CLIP2: variants seen among roughly 807,000 people sequenced by gnomAD.
CLIP2 encodes CAP-Gly domain-containing linker protein 2.
In CLIP2, 41 loss-of-function variants were observed where a neutral mutation model predicts 111.7. The observed-to-expected ratio is 0.37, with a 90% CI of 0.29 to 0.48. The LOEUF (loss-of-function observed/expected upper bound fraction) is 0.48. CLIP2 is among the 20% of genes least tolerant of loss of function. CLIP2 has a pLI of 0.99. For missense variants in CLIP2, 1,160 were observed against 1,422.1 expected (o/e 0.82, Z 2.96); for synonymous variants, 660 against 644.2 (o/e 1.02, Z -0.37).
chr7:74,324,345 C>T (rs1253040484), intron 2 of CLIP2, among the ~76,000 whole-genome samples: 1 of 152,168 alleles, frequency 6.6e-6, no homozygotes, highest in Non-Finnish European at 1.5e-5. Flanking sequence ...CATCTTATTG[C>T]ATCCTATGGG....
chr7:74,334,421 C>T (rs1361132736), intron 2 of CLIP2, among the ~76,000 whole-genome samples: 2 of 152,068 alleles, frequency 1.3e-5, no homozygotes, highest in East Asian at 1.9e-4. Context: ...CCTGAGGGTC[C>T]GCCTGGGCCC....
intron 5 of CLIP2, 73 bp from the exon 6 acceptor site, chr7:74,357,207 G>A (rs1490447647): frequency 1.4e-6 from 2 of 1,383,370 alleles, no homozygotes; most frequent in Non-Finnish European, 2.0e-6. Context: ...CTGTAGATTA[G>A]GCTGGACAGA....
At chr7:74,368,329 A>G (rs1554311210) in intron 8 of CLIP2, among the ~76,000 whole-genome samples, 1 of 152,092 alleles carries the variant, frequency 6.6e-6, no homozygotes, top group African/African-American at 2.4e-5. Flanking sequence ...CAGCCTGACC[A>G]ACATAGTGAA....
At chr7:74,342,134 G>C (rs1199464784) in intron 3 of CLIP2, among the ~76,000 whole-genome samples, 1 of 152,142 alleles carries the variant, frequency 6.6e-6, no homozygotes, top group Non-Finnish European at 1.5e-5. Context: ...CCAGCACTTT[G>C]GGAGGCTGAG....
At chr7:74,324,106 C>T (rs1189373489) in intron 2 of CLIP2, among the ~76,000 whole-genome samples, 1 of 152,158 alleles carries the variant, frequency 6.6e-6, no homozygotes, top group African/African-American at 2.4e-5. Context: ...GATTCTTCTG[C>T]CTCAGCCTCC....
In CLIP2 at chr7:74,373,118, ACTCT is replaced by A. The variant is rs1462403258; in HGVS notation, c.1485+85_1485+88del. 3 of 755,538 alleles carry A rather than the reference ACTCT, an allele frequency of 4.0e-6. No homozygotes were observed. The Admixed American group carries it at 8.2e-5, about 21-fold the overall frequency. The allele number at this position is 755,538 out of a possible 1,614,324, so 46.8% of individuals were successfully genotyped here. A position where few individuals can be genotyped will look rare whatever the true frequency, so the allele number is the denominator to read the frequency against. On this transcript the variant is annotated intron_variant, in intron 9 of 16. Transcript: ENST00000223398. ...CTCTGGCTTCTCTGTTTCATTATTG[ACTCT>A]CTTTCTTTAGCTGCTATCATCTTTT...
intron 13 of CLIP2, among the ~76,000 whole-genome samples, chr7:74,390,748 TGGG>T (rs1394292919): frequency 1.1e-4 from 3 of 28,198 alleles, no homozygotes; most frequent in Non-Finnish European, 7.6e-4. Flanking sequence ...TCTGGCGGGG[TGGG>T]GGGGGTGGGT....
intron 2 of CLIP2, among the ~76,000 whole-genome samples, chr7:74,318,142 A>G (rs1788840087): frequency 6.6e-6 from 1 of 151,694 alleles, no homozygotes; most frequent in South Asian, 2.1e-4. Context: ...ACTCTGTCTC[A>G]AAAATAAAAA....
chr7:74,335,333 C>T (rs1334937154), intron 2 of CLIP2, among the ~76,000 whole-genome samples: 1 of 125,996 alleles, frequency 7.9e-6, no homozygotes, highest in Non-Finnish European at 1.8e-5. Flanking sequence ...TTCATAAATG[C>T]AGCTGCTATC....
intron 12 of CLIP2, among the ~76,000 whole-genome samples, chr7:74,387,547 G>A (rs62476441): frequency 0.011 from 1,707 of 152,182 alleles, 24 homozygotes; most frequent in Middle Eastern, 0.034. Context: ...CACCACGCCC[G>A]GCCCCTGGCC....
At chr7:74,374,174 T>A (rs1790713179) in intron 9 of CLIP2, among the ~76,000 whole-genome samples, 1 of 152,128 alleles carries the variant, frequency 6.6e-6, no homozygotes, top group African/African-American at 2.4e-5. Flanking sequence ...AGTATGTAGA[T>A]GTAGAAGGAG....
rs781954978 is a variant in CLIP2 at position 74,338,448 on chromosome 7, G to C, written c.122G>C (p.Gly41Ala). ...TCCCTTTCCCTCTCCTTCTCTGCAG[G>C]CTCCCCACTGCACAAACAGTCATCT... ...SAAVAASSKEGSPLHKQSSGP... is the reference protein window; with the variant it reads ...SAAVAASSKEASPLHKQSSGP... Residue 41 changes from glycine to alanine, a missense_variant and splice_region_variant, in exon 3 of 17, where the codon GGC becomes GCC. Coordinates refer to ENST00000223398, the MANE Select transcript of CLIP2 (RefSeq NM_003388.5). This position sits in a 1 kb window ranked among gnomAD's most constrained non-coding sequence, Gnocchi z 4.3. The C allele has an allele frequency of 1.2e-6, 2 of 1,612,036 alleles. No individual in the cohort carries two copies. Among genetic ancestry groups the C allele is most frequent in the Admixed American group, 1.7e-5 (1 of 59,774 alleles).
At chr7:74,388,993 C>T (rs1554315304) in intron 12 of CLIP2, 110 bp from the exon 13 acceptor site, 4 of 1,342,816 alleles carry the variant, frequency 3.0e-6, no homozygotes, top group Non-Finnish European at 4.1e-6. Context: ...GGGTATGTCA[C>T]CTTCATCCCC....
chr7:74,393,708 G>A (rs142198519), intron 13 of CLIP2, among the ~76,000 whole-genome samples: 1 of 152,282 alleles, frequency 6.6e-6, no homozygotes, highest in African/African-American at 2.4e-5. Flanking sequence ...AAGAAGAAAT[G>A]CTACCTCCTT....
At chr7:74,363,355 C>T (rs1324161410) in intron 7 of CLIP2, among the ~76,000 whole-genome samples, 1 of 152,148 alleles carries the variant, frequency 6.6e-6, no homozygotes, top group Non-Finnish European at 1.5e-5. Flanking sequence ...GTGTCTCTCC[C>T]CTGCGCTGTC....
chr7:74,332,511 T>A (rs368907946), intron 2 of CLIP2, among the ~76,000 whole-genome samples: 140 of 138,002 alleles, frequency 1.0e-3, no homozygotes, highest in African/African-American at 3.5e-3. Context: ...TTGTCCAGGC[T>A]GGTCTTCAAC....
At chr7:74,362,495 CAACA>C (rs1489860522) in intron 7 of CLIP2, among the ~76,000 whole-genome samples, 1 of 151,366 alleles carries the variant, frequency 6.6e-6, no homozygotes, top group Admixed American at 6.6e-5. Flanking sequence ...TGCCTGACGC[CAACA>C]AACACAGATC....
chr7:74,309,056 A>T (rs1488701937), intron 1 of CLIP2, among the ~76,000 whole-genome samples: 2 of 151,958 alleles, frequency 1.3e-5, no homozygotes, highest in African/African-American at 4.8e-5. Context: ...TTTTGTAGAG[A>T]TAGATTTTCG....
Position 74,338,998 on chromosome 7 carries a change from C to A in CLIP2, c.672C>A (p.Arg224=), listed in dbSNP as rs781827370. The A allele has an allele frequency of 1.3e-6, 2 of 1,596,614 alleles. No individual in the cohort carries two copies. The highest frequency in any genetic ancestry group is 1.7e-6 in the Non-Finnish European group (2 of 1,178,560). ...AAAAGGACCTGCGCCTGGGGGACCG[C>A]GTGCTGGTGAGTGCGGGCAGTACTG... ...RGEKDLRLGD[R]VLVGGTKTGV... The change falls in exon 3 of 17, where the codon CGC becomes CGA. Residue 224 remains arginine, a synonymous_variant. Transcript: ENST00000223398. The surrounding 1 kb of genome is among the most constrained non-coding windows in gnomAD (Gnocchi z 4.3).
Sources: allele counts gnomAD v4.1 joint callset (sites outside exome capture counted in the v4.1 genomes callset), GRCh38; gene constraint gnomAD v4.1.1; non-coding constraint Gnocchi (gnomAD v3.1); transcripts MANE v1.5; gene names NCBI Gene and HGNC (gene_info 2026-07-23, HGNC 2026-07-21).